AIDA: variants seen among roughly 807,000 people sequenced by gnomAD.
AIDA encodes axin interactor, dorsalization associated.
A neutral mutation model predicts 42.7 loss-of-function variants in AIDA; 18 were observed. The ratio of observed to expected loss-of-function variants is 0.42; its 90% CI spans 0.29 to 0.63. The LOEUF is 0.63. Ranked by LOEUF, AIDA falls within the 20% of genes least tolerant of loss-of-function variation. The pLI is 0.19. For synonymous variants in AIDA, 104 were observed against 122.9 expected (o/e 0.85, Z 1.02); for missense variants, 250 against 354.1 (o/e 0.71, Z 2.36).
chr1:222,708,292 CAG>C (rs112860744), intron 1 of AIDA, among the ~76,000 whole-genome samples: 1,517 of 151,014 alleles, frequency 0.01, 27 homozygotes, highest in African/African-American at 0.035. Context: ...GCCTGGGCGA[CAG>C]AGTGAGAATC....
At chr1:222,689,487 A>G (rs191350926) in intron 4 of AIDA, among the ~76,000 whole-genome samples, 10,532 of 45,074 alleles carry the variant, frequency 0.23, 1,050 homozygotes, top group African/African-American at 0.45. Context: ...GTGTGTATAT[A>G]TATATATATA....
intron 5 of AIDA, 94 bp downstream of exon 5, chr1:222,687,501 A>G (rs770674817): frequency 1.1e-4 from 119 of 1,083,224 alleles, no homozygotes; most frequent in Non-Finnish European, 1.6e-4. Flanking sequence ...CAATGATATC[A>G]ATAATACCAA....
At chr1:222,685,388 G>A (rs1664726294) in intron 6 of AIDA, among the ~76,000 whole-genome samples, 3 of 152,188 alleles carry the variant, frequency 2.0e-5, no homozygotes, top group Non-Finnish European at 4.4e-5. Context: ...GTAATTGGCA[G>A]AGCCCAGACT....
At chr1:222,677,834 G>A (rs569099456) in intron 6 of AIDA, among the ~76,000 whole-genome samples, 15 of 151,776 alleles carry the variant, frequency 9.9e-5, no homozygotes, top group South Asian at 2.1e-4. Context: ...GCCAATCTTC[G>A]TATGGCAGTT....
In AIDA at chr1:222,693,860, C is replaced by T. The variant is rs201118792; in HGVS notation, c.235-17G>A. On this transcript the variant is annotated splice_polypyrimidine_tract_variant and intron_variant, in intron 3 of 9. Transcript: ENST00000340020. ...CTGTGTGGACTAAATTTAAAATAAG[C>T]ATATTACATCTTTTCACTACAAGGA... 1 of 1,589,348 alleles carries T rather than the reference C, an allele frequency of 6.3e-7. No homozygotes were observed. The highest frequency in any genetic ancestry group is 8.6e-7 in the Non-Finnish European group (1 of 1,160,028).
chr1:222,695,310 G>A (rs1316358549), intron 2 of AIDA, among the ~76,000 whole-genome samples: 1 of 152,172 alleles, frequency 6.6e-6, no homozygotes, highest in African/African-American at 2.4e-5. Flanking sequence ...TGGCCAACAT[G>A]GCGAAACTCT....
intron 6 of AIDA, among the ~76,000 whole-genome samples, chr1:222,684,780 G>C (rs141628994): frequency 1.3e-5 from 2 of 152,274 alleles, no homozygotes; most frequent in African/African-American, 4.8e-5. Flanking sequence ...TTTAATTTAT[G>C]GTAGAAGTTC....
chr1:222,703,190 G>C lies in AIDA; in HGVS notation c.138C>G (p.Ala46=). ...ATTCAGAATTATTGTGTTGAGCTTG[G>C]GCCTCCTTTTGTAGATGTCTTGCTA... ...QILARHLQKE[A]QAQHNNSEFT... is the part of the protein sequence containing the mutation. Residue 46 remains alanine, a synonymous_variant, in exon 2 of 10, where the codon GCC becomes GCG. Coordinates refer to ENST00000340020, the MANE Select transcript of AIDA (RefSeq NM_022831.4). The C allele has an allele frequency of 1.2e-6, 2 of 1,609,136 alleles. No individual in the cohort carries two copies. Among genetic ancestry groups the C allele is most frequent in the Non-Finnish European group, 8.5e-7 (1 of 1,178,364 alleles).
chr1:222,676,039 T>G, intron 7 of AIDA, 57 bp downstream of exon 7: 4 of 1,512,326 alleles, frequency 2.6e-6, no homozygotes, highest in Non-Finnish European at 3.5e-6. Context: ...CTGTCCCAAA[T>G]GAGAAGCAAC....
chr1:222,687,734 T>TAA, intron 4 of AIDA, 76 bp from the exon 5 acceptor site: 2 of 1,118,368 alleles, frequency 1.8e-6, no homozygotes, highest in Non-Finnish European at 2.5e-6. Context: ...TGATTAATTT[T>TAA]TAATCAATTT....
chr1:222,689,469 ATGTGTG>A lies in AIDA; in HGVS notation c.290-1817_290-1812del, dbSNP rs770894575. Among the ~76,000 whole-genome samples, 25 of 61,318 alleles carry A rather than the reference ATGTGTG, an allele frequency of 4.1e-4. No individual in the cohort carries two copies. In the East Asian group the frequency reaches 7.5e-3, roughly 18 times the overall value. The allele number at this position is 61,318 out of a possible 152,430, so 40.2% of individuals were successfully genotyped here. A position where few individuals can be genotyped will look rare whatever the true frequency, so the allele number is the denominator to read the frequency against. On this transcript the variant is annotated intron_variant, in intron 4 of 9. Transcript: ENST00000340020. ...TGTCTCAAGAAAAAAGAAAATATGT[ATGTGTG>A]TGTGTGTATATATATATATATATAT...
At chr1:222,701,475 A>C (rs1655703467) in intron 2 of AIDA, among the ~76,000 whole-genome samples, 1 of 152,118 alleles carries the variant, frequency 6.6e-6, no homozygotes, top group Non-Finnish European at 1.5e-5. Flanking sequence ...CTATTAATTT[A>C]TATATGTGGC....
At chr1:222,675,792 T>G (rs957278234) in intron 7 of AIDA, among the ~76,000 whole-genome samples, 29 of 152,236 alleles carry the variant, frequency 1.9e-4, no homozygotes, top group African/African-American at 5.8e-4. Context: ...AAAGGATGTA[T>G]CTGCTGTTAA....
intron 2 of AIDA, among the ~76,000 whole-genome samples, chr1:222,698,756 A>C (rs537365342): frequency 6.6e-6 from 1 of 151,532 alleles, no homozygotes; most frequent in South Asian, 2.1e-4. Context: ...TGGCCCATCA[A>C]ATATTTTTAA....
At chr1:222,698,952 A>T (rs1655601197) in intron 2 of AIDA, among the ~76,000 whole-genome samples, 2 of 151,856 alleles carry the variant, frequency 1.3e-5, no homozygotes. Flanking sequence ...CAGCCTCCCG[A>T]GTAGCTGGGA....
chr1:222,711,270 G>C (rs559785557), intron 1 of AIDA: 1 of 152,272 alleles, frequency 6.6e-6, no homozygotes, highest in South Asian at 2.1e-4. Flanking sequence ...AAGGTTTTAT[G>C]TGTATATAAA....
intron 6 of AIDA, among the ~76,000 whole-genome samples, chr1:222,680,463 G>A (rs544043842): frequency 6.6e-6 from 1 of 152,266 alleles, no homozygotes; most frequent in Non-Finnish European, 1.5e-5. Flanking sequence ...GGAGAGGAAG[G>A]TTCTAAGCCT....
At position 222,689,045 on chromosome 1, in the gene AIDA, A is replaced by ATG. The variant is rs537611818; in HGVS notation, c.290-1389_290-1388dup. Among the ~76,000 whole-genome samples, 385 of 151,270 alleles carry ATG rather than the reference A, an allele frequency of 2.5e-3. 5 individuals carry two copies. The highest frequency in any genetic ancestry group is 0.016 in the East Asian group (82 of 5,156). Reference sequence around the variant, plus strand: ...CCTGACCCCGTGTAGGCCTAAGCTAATGTGTGTGTGTGTGTGTTTCTTAGT... The same window carrying ATG: ...CCTGACCCCGTGTAGGCCTAAGCTAATGTGTGTGTGTGTGTGTGTTTCTTAGT... On this transcript the variant is annotated intron_variant, in intron 4 of 9. Coordinates refer to ENST00000340020, the MANE Select transcript of AIDA (RefSeq NM_022831.4).
At chr1:222,702,392 C>T (rs1381086039) in intron 2 of AIDA, among the ~76,000 whole-genome samples, 3 of 151,714 alleles carry the variant, frequency 2.0e-5, no homozygotes, top group African/African-American at 7.3e-5. Context: ...TTTTCATTAT[C>T]TACAAGATTA....
Sources: gnomAD v4.1 joint callset for allele counts (sites outside exome capture counted in the v4.1 genomes callset) on GRCh38, gnomAD v4.1.1 for gene constraint, MANE v1.5 for transcripts, NCBI Gene and HGNC (gene_info 2026-07-23, HGNC 2026-07-21) for gene names.